The following DCLRE1C variants were observed in gnomAD, a reference collection of about 807,000 sequenced individuals.
The protein encoded by DCLRE1C is DNA cross-link repair 1C.
A neutral mutation model predicts 61.4 loss-of-function variants in DCLRE1C; 47 were observed. The ratio of observed to expected loss-of-function variants is 0.77; its 90% CI spans 0.61 to 0.98. The LOEUF (loss-of-function observed/expected upper bound fraction) is 0.98, where lower values mean the gene tolerates loss of function less well. DCLRE1C is among the 50% of genes least tolerant of loss of function. The pLI, the probability that DCLRE1C is intolerant of heterozygous loss-of-function variation, is 0.00. For synonymous variants in DCLRE1C, 337 were observed against 287.6 expected (o/e 1.17, Z -1.74); for missense variants, 858 against 816.0 (o/e 1.05, Z -0.63).
chr10:14,909,170 C>G lies in DCLRE1C; in HGVS notation c.1317G>C (p.Glu439Asp), dbSNP rs755790137. The G allele has an allele frequency of 2.2e-5, 35 of 1,614,104 alleles. No individual in the cohort carries two copies. In the South Asian group the frequency reaches 3.6e-4, roughly 17 times the overall value. Residue 439 changes from glutamate to aspartate, a missense_variant, in exon 14 of 14, where the codon GAG (glutamate) becomes GAC (aspartate). Coordinates refer to ENST00000378278, the MANE Select transcript of DCLRE1C (RefSeq NM_001033855.3). ...LRQTPGCCRA[E>D]CMQSSRFTNF... Reference sequence around the variant, plus strand: ...TTGTGAAACGAGAGCTCTGCATACACTCTGCTCTGCAGCATCCTGGGGTTT... The same window carrying G: ...TTGTGAAACGAGAGCTCTGCATACAGTCTGCTCTGCAGCATCCTGGGGTTT...
chr10:14,939,812 C>G lies in DCLRE1C; in HGVS notation c.304G>C (p.Glu102Gln). The G allele has an allele frequency of 6.3e-7, 1 of 1,589,334 alleles. No homozygotes were observed. The highest frequency in any genetic ancestry group is 8.6e-7 in the Non-Finnish European group (1 of 1,158,872). Residue 102 changes from glutamate to glutamine, a missense_variant and splice_region_variant, in exon 4 of 14, where the codon GAG becomes CAG. By Grantham distance (29) the Glu-to-Gln change is conservative (BLOSUM62 2). Around this residue, in one of 2 missense-constraint regions of DCLRE1C, gnomAD observed 843 missense variants for 783.5 expected, o/e 1.08. Coordinates refer to ENST00000378278, the MANE Select transcript of DCLRE1C (RefSeq NM_001033855.3). ...ATCAATATTTAATATTTAGTTACCT[C>G]TCCTGATGCTTCATCCACTAAAGAT... ...QISLVDEASG[E>Q]KEEIVVTLLP...
chr10:14,927,911 A>AT, intron 10 of DCLRE1C, 105 bp downstream of exon 10: 1 of 782,496 alleles, frequency 1.3e-6, no homozygotes, highest in Non-Finnish European at 1.8e-6. Context: ...TAATTATAAT[A>AT]TATAATTATA....
chr10:14,909,356 T>G, intron 13 of DCLRE1C, 26 bp from the exon 14 acceptor site: 1 of 1,608,176 alleles, frequency 6.2e-7, no homozygotes, highest in South Asian at 1.1e-5. Context: ...AACAGGTTTA[T>G]AGGAAACAAG....
At chr10:14,939,316 C>A (rs549244192) in intron 4 of DCLRE1C, among the ~76,000 whole-genome samples, 2 of 151,908 alleles carry the variant, frequency 1.3e-5, no homozygotes, top group Non-Finnish European at 2.9e-5. Context: ...TGGTGGCAGG[C>A]GCCTGTAATC....
At position 14,907,296 on chromosome 10, in the gene DCLRE1C, A is replaced by G. The variant is rs1233468342; in HGVS notation, c.*1112T>C. Among the ~76,000 whole-genome samples, 2 of 150,602 alleles carry G rather than the reference A, an allele frequency of 1.3e-5. No individual in the cohort carries two copies. The highest frequency in any genetic ancestry group is 1.3e-4 in the Admixed American group (2 of 14,966). The stretch of plus-strand genomic sequence containing the variant: ...TCTATAGCCATCAGTTTATCATACT[A>G]GATCCAAGTTTGTCAATTTAAATCA... On this transcript the variant is annotated 3_prime_UTR_variant, in exon 14 of 14. Transcript: ENST00000378278.
At chr10:14,929,409 A>G (rs566346336) in intron 9 of DCLRE1C, among the ~76,000 whole-genome samples, 1 of 145,850 alleles carries the variant, frequency 6.9e-6, no homozygotes, top group Admixed American at 6.9e-5. Context: ...ATCTCAAAAA[A>G]CCATTTTTTT....
intron 5 of DCLRE1C, 49 bp downstream of exon 5, chr10:14,936,489 C>T (rs1300858794): frequency 2.1e-6 from 3 of 1,446,518 alleles, no homozygotes; most frequent in African/African-American, 1.4e-5. Context: ...TCTACAAATA[C>T]AATATGTGTC....
intron 5 of DCLRE1C, 128 bp downstream of exon 5, chr10:14,936,410 A>C (rs542186677): frequency 4.3e-6 from 3 of 700,132 alleles, no homozygotes; most frequent in African/African-American, 1.8e-5. Context: ...AGCCTCCCAA[A>C]GCACTGGGAT....
chr10:14,917,939 A>G (rs536856807), intron 13 of DCLRE1C, among the ~76,000 whole-genome samples: 1 of 152,344 alleles, frequency 6.6e-6, no homozygotes, highest in East Asian at 1.9e-4. Context: ...CATTAGAGAA[A>G]TGCAAATTAA....
chr10:14,934,459 T>C lies in DCLRE1C; in HGVS notation c.599A>G (p.His200Arg). The change falls in exon 8 of 14, where the codon CAT (histidine) becomes CGT (arginine). Residue 200 changes from histidine (H) to arginine (R), a missense_variant. By Grantham distance (29) the His-to-Arg change is conservative (BLOSUM62 0). Transcript: ENST00000378278. ...VRSWITRSPY[H>R]VVWLNCKAAY... ...CGCTTTGCAGTTCAGCCACACAACA[T>C]GGTACGGGCTCCGAGTGATCCAGCT... 1.2e-6 allele frequency: 2 copies of C among 1,614,148 alleles called. No individual in the cohort carries two copies. The highest frequency in any genetic ancestry group is 1.1e-5 in the South Asian group (1 of 91,084).
At chr10:14,948,938 G>C (rs1293553491) in intron 2 of DCLRE1C, 98 bp downstream of exon 2, 3 of 867,080 alleles carry the variant, frequency 3.5e-6, no homozygotes, top group Non-Finnish European at 5.7e-6. Flanking sequence ...CGTTCATTTT[G>C]TAAATGACTA....
chr10:14,913,494 G>C (rs1426108252), intron 13 of DCLRE1C, among the ~76,000 whole-genome samples: 1 of 152,138 alleles, frequency 6.6e-6, no homozygotes, highest in Admixed American at 6.5e-5. Flanking sequence ...GGGAGAAGAG[G>C]AATGGAAATA....
At chr10:14,901,125 C>G, downstream of DCLRE1C, 1 of 1,613,266 alleles carries the variant, frequency 6.2e-7, no homozygotes, top group South Asian at 1.1e-5. Flanking sequence ...TCTAATGTTC[C>G]TTTTTAGTGT....
chr10:14,927,942 T>C (rs960742145), intron 10 of DCLRE1C, 74 bp downstream of exon 10: 1 of 1,424,098 alleles, frequency 7.0e-7, no homozygotes, highest in Admixed American at 1.7e-5. Flanking sequence ...TAGGCTAGAC[T>C]GTGCTTAAAT....
intron 8 of DCLRE1C, 26 bp from the exon 9 acceptor site, chr10:14,932,981 A>T: frequency 1.2e-6 from 2 of 1,607,020 alleles, no homozygotes; most frequent in Non-Finnish European, 1.7e-6. Context: ...CATACATGCA[A>T]ATTATGTGAA....
rs569098391 is a variant in DCLRE1C at position 14,935,209 on chromosome 10, G to A, written c.464+254C>T. Among the ~76,000 whole-genome samples, 4 of 150,896 alleles carry A rather than the reference G, an allele frequency of 2.7e-5. No individual in the cohort carries two copies. In the East Asian group the frequency reaches 6.1e-4, roughly 23 times the overall value. ...AGGCCAGGCACAGTGGCTCATGCCTGTAATCCCAGCACTTTGGGAGGCCAA... is the reference window on the plus strand; with the variant it reads ...AGGCCAGGCACAGTGGCTCATGCCTATAATCCCAGCACTTTGGGAGGCCAA... On this transcript the variant is annotated intron_variant, in intron 6 of 13. Transcript: ENST00000378278.
downstream of DCLRE1C, chr10:14,899,725 T>C (rs1183231385): frequency 3.7e-6 from 6 of 1,607,106 alleles, no homozygotes; most frequent in Non-Finnish European, 5.1e-6. Flanking sequence ...GACTAACAAT[T>C]CAACCTAGTA....
intron 9 of DCLRE1C, among the ~76,000 whole-genome samples, chr10:14,931,842 C>G (rs1465946866): frequency 1.3e-5 from 2 of 152,010 alleles, no homozygotes; most frequent in South Asian, 2.1e-4. Context: ...AGTTCAAGAC[C>G]CCCCTGGCCA....
At chr10:14,932,759 T>A in intron 9 of DCLRE1C, 95 bp downstream of exon 9, 2 of 1,437,352 alleles carry the variant, frequency 1.4e-6, no homozygotes, top group Non-Finnish European at 2.0e-6. Flanking sequence ...AGGTTTTACA[T>A]TTGTAAAGCG....
Sources: allele counts gnomAD v4.1 joint callset (sites outside exome capture counted in the v4.1 genomes callset), GRCh38; gene constraint gnomAD v4.1.1; regional missense constraint gnomAD v4.1.1; transcripts MANE v1.5; gene names NCBI Gene and HGNC (gene_info 2026-07-23, HGNC 2026-07-21).